The following ELAC2 variants were observed in gnomAD, a reference collection of about 807,000 sequenced individuals.
ELAC2 encodes zinc phosphodiesterase ELAC protein 2.
In ELAC2, 92 loss-of-function variants were observed where a neutral mutation model predicts 105.2. That is an observed-to-expected ratio of 0.87 (90% CI 0.74 to 1.04). The LOEUF (loss-of-function observed/expected upper bound fraction) is 1.04. Ranked by LOEUF, ELAC2 falls within the 50% of genes least tolerant of loss-of-function variation. The pLI is 0.00. For missense variants in ELAC2, 1,099 were observed against 1,071.7 expected (o/e 1.03, Z -0.36); for synonymous variants, 468 against 409.1 (o/e 1.14, Z -1.74).
intron 15 of ELAC2, among the ~76,000 whole-genome samples, chr17:12,999,744 C>T (rs1276196845): frequency 2.0e-5 from 3 of 152,186 alleles, no homozygotes; most frequent in East Asian, 1.9e-4. Context: ...CTGCAAGCTC[C>T]GCCTCCCGGG....
At chr17:13,012,464 A>G (rs1025181668) in intron 6 of ELAC2, among the ~76,000 whole-genome samples, 3 of 152,176 alleles carry the variant, frequency 2.0e-5, no homozygotes, top group African/African-American at 7.2e-5. Flanking sequence ...TCAGCTCATC[A>G]CAGCACTGGC....
Position 13,003,388 on chromosome 17 carries a change from G to A in ELAC2, c.1079+91C>T, listed in dbSNP as rs78515379. 0.037 allele frequency: 43,503 copies of A among 1,183,844 alleles called. 982 individuals carry two copies. Among genetic ancestry groups the A allele is most frequent in the Middle Eastern group, 0.052 (262 of 4,996 alleles). 73.3% of individuals were successfully genotyped at this position (1,183,844 alleles called of 1,614,324 possible). ...AAGTTTAGGCAGGTGCAGAAGGGTAGGTAGCGCTGGAAAGAGCACGAGGGG... is the reference window on the plus strand; with the variant it reads ...AAGTTTAGGCAGGTGCAGAAGGGTAAGTAGCGCTGGAAAGAGCACGAGGGG... On this transcript the variant is annotated intron_variant, in intron 12 of 23. Transcript: ENST00000338034.
Position 13,017,822 on chromosome 17 carries a change from C to T in ELAC2, c.126G>A (p.Thr42=), listed in dbSNP as rs1418057995. The T allele has an allele frequency of 6.3e-7, 1 of 1,596,948 alleles. No homozygotes were observed. The highest frequency in any genetic ancestry group is 1.7e-5 in the Admixed American group (1 of 57,766). The change falls in exon 1 of 24, where the codon ACG becomes ACA. Residue 42 remains threonine, a synonymous_variant. Coordinates refer to ENST00000338034, the MANE Select transcript of ELAC2 (RefSeq NM_018127.7). ...PRKDPLRHLR[T]REKRGPSGCS... Reference sequence around the variant, plus strand: ...ACCCCGACGGTCCGCGCTTCTCTCGCGTGCGCAGGTGCCGCAGCGGGTCCT... The same window carrying T: ...ACCCCGACGGTCCGCGCTTCTCTCGTGTGCGCAGGTGCCGCAGCGGGTCCT...
In ELAC2 at chr17:13,002,567, G is replaced by A; in HGVS notation, c.1092C>T (p.Asp364=). Reference sequence around the variant, plus strand: ...TCTCATTCAGGACCAAGTGCTGGGTGTCAGGCCCAAACCTGTGAAGAAACA... The same window carrying A: ...TCTCATTCAGGACCAAGTGCTGGGTATCAGGCCCAAACCTGTGAAGAAACA... ...YQQWMERFGP[D]TQHLVLNENC... is the part of the protein sequence containing the mutation. The change falls in exon 13 of 24, where the codon GAC becomes GAT. Residue 364 remains aspartate, a synonymous_variant. Coordinates refer to ENST00000338034, the MANE Select transcript of ELAC2 (RefSeq NM_018127.7). 2 of 1,602,206 alleles carry A rather than the reference G, an allele frequency of 1.2e-6. No homozygotes were observed. Among genetic ancestry groups the A allele is most frequent in the Non-Finnish European group, 1.7e-6 (2 of 1,173,258 alleles).
At chr17:13,014,528 G>T (rs370275671) in intron 4 of ELAC2, 32 bp from the exon 5 acceptor site, 1 of 1,534,070 alleles carries the variant, frequency 6.5e-7, no homozygotes, top group Admixed American at 1.7e-5. Flanking sequence ...AGCAGTTATG[G>T]TTGAACAAAT....
rs1359575116 is a variant in ELAC2 at position 13,011,751 on chromosome 17, C to T, written c.591G>A (p.Trp197Ter). The T allele has an allele frequency of 9.3e-6, 15 of 1,614,002 alleles. No homozygotes were observed. In the South Asian group the frequency reaches 1.4e-4, roughly 15 times the overall value. The change falls in exon 7 of 24, where the codon TGG (tryptophan) becomes TGA (stop). Residue 197 changes from tryptophan to a stop codon, truncating the protein, a stop_gained. Coordinates refer to ENST00000338034, the MANE Select transcript of ELAC2 (RefSeq NM_018127.7). LOFTEE classifies it high-confidence loss of function. The stretch of plus-strand genomic sequence containing the variant: ...TGCTGAGAGGCCTTTCTGGACTCTG[C>T]CATGGTTGGTGCTTTCCCCTCCTCT... ...SEQRRGKHQP[W>*]QSPERPLSRL...
intron 8 of ELAC2, chr17:13,006,240 C>T (rs545474981): frequency 1.8e-5 from 8 of 438,884 alleles, no homozygotes; most frequent in African/African-American, 4.0e-5. Context: ...CGTGGTGGCA[C>T]GTGCCTGTAA....
At chr17:13,003,648 G>T in intron 11 of ELAC2, 74 bp from the exon 12 acceptor site, 1 of 1,379,452 alleles carries the variant, frequency 7.2e-7, no homozygotes, top group Non-Finnish European at 1.0e-6. Context: ...CGCAGCCAGG[G>T]AGGGGTATCG....
At chr17:13,009,720 G>C (rs1237774119) in intron 8 of ELAC2, among the ~76,000 whole-genome samples, 1 of 152,222 alleles carries the variant, frequency 6.6e-6, no homozygotes, top group African/African-American at 2.4e-5. Context: ...ACCAGGCACA[G>C]TGCTTCACGC....
rs770299965 is a variant in ELAC2 at position 12,996,593 on chromosome 17, G to A, written c.1613C>T (p.Thr538Ile). The change falls in exon 17 of 24, where the codon ACC (threonine) becomes ATC (isoleucine). Residue 538 changes from threonine to isoleucine, a missense_variant. Transcript: ENST00000338034. Reference protein sequence around the residue: ...YGDQVDRVLGTLAAVFVSHLH... With the variant: ...YGDQVDRVLGILAAVFVSHLH... ...GTGGGACACAAACACAGCAGCCAGGGTGCCCAGGACCCTGTCCACCTGGTC... is the reference window on the plus strand; with the variant it reads ...GTGGGACACAAACACAGCAGCCAGGATGCCCAGGACCCTGTCCACCTGGTC... 4.3e-6 allele frequency: 7 copies of A among 1,613,914 alleles called. No individual in the cohort carries two copies. The highest frequency in any genetic ancestry group is 5.9e-6 in the Non-Finnish European group (7 of 1,180,040).
chr17:12,996,691 G>A lies in ELAC2; in HGVS notation c.1521-6C>T, dbSNP rs2040491102. Reference sequence around the variant, plus strand: ...GTAGCAGAGACGTGTCGGGGCTGCAGAAGAGAAGAGGAAGAGAGTCACTGC... The same window carrying A: ...GTAGCAGAGACGTGTCGGGGCTGCAAAAGAGAAGAGGAAGAGAGTCACTGC... On this transcript the variant is annotated splice_polypyrimidine_tract_variant and splice_region_variant and intron_variant, in intron 16 of 23. Transcript: ENST00000338034. 6.2e-7 allele frequency: 1 copy of A among 1,612,730 alleles called. No individual in the cohort carries two copies. The highest frequency in any genetic ancestry group is 1.3e-5 in the African/African-American group (1 of 75,034).
chr17:13,012,430 C>A (rs1248072231), intron 6 of ELAC2, among the ~76,000 whole-genome samples: 1 of 152,186 alleles, frequency 6.6e-6, no homozygotes, highest in Non-Finnish European at 1.5e-5. Context: ...GCAGGAGGAG[C>A]AAGCCAGGCA....
rs374351010 is a variant in ELAC2, at chr17:12,991,846, AACTTACTT to A, written c.*964_*971del. On this transcript the variant is annotated 3_prime_UTR_variant, in exon 24 of 24. Coordinates refer to ENST00000338034, the MANE Select transcript of ELAC2 (RefSeq NM_018127.7). ...AATATACACAATAAATACTAGATTC[AACTTACTT>A]ACTTACTTACTTACTTTACTTACTT... 6.2e-4 allele frequency among the ~76,000 whole-genome samples: 94 copies of A among 151,464 alleles called. No homozygotes were observed. The highest frequency in any genetic ancestry group is 1.8e-3 in the African/African-American group (73 of 41,332).
At chr17:13,014,666 C>T (rs373593938) in intron 4 of ELAC2, among the ~76,000 whole-genome samples, 170 bp from the exon 5 acceptor site, 4 of 151,954 alleles carry the variant, frequency 2.6e-5, no homozygotes, top group African/African-American at 9.7e-5. Flanking sequence ...TATCAGATGC[C>T]AAGGATATAG....
chr17:13,011,145 C>T (rs1045050716), intron 7 of ELAC2, among the ~76,000 whole-genome samples: 8 of 152,110 alleles, frequency 5.3e-5, no homozygotes, highest in African/African-American at 9.7e-5. Flanking sequence ...GAGGAGCTGC[C>T]GAGCTTTGCC....
chr17:13,011,824 T>G (rs747942317), intron 6 of ELAC2, 42 bp from the exon 7 acceptor site: 2 of 1,613,958 alleles, frequency 1.2e-6, no homozygotes, highest in South Asian at 2.2e-5. Flanking sequence ...CTGCACAAGG[T>G]GAGCTGACAG....
chr17:13,007,479 T>C (rs1310689259), intron 8 of ELAC2, among the ~76,000 whole-genome samples: 2 of 152,242 alleles, frequency 1.3e-5, no homozygotes, highest in Non-Finnish European at 2.9e-5. Flanking sequence ...CAGTGATGAT[T>C]GATGGCTGAC....
intron 6 of ELAC2, among the ~76,000 whole-genome samples, chr17:13,012,010 A>G (rs1468544172): frequency 2.0e-5 from 3 of 152,140 alleles, no homozygotes; most frequent in Non-Finnish European, 4.4e-5. Flanking sequence ...CACAGTACCA[A>G]CTCAACAACG....
In ELAC2 at chr17:12,992,842, C is replaced by T. The variant is rs773456696; in HGVS notation, c.2457G>A (p.Gln819=). 25 of 1,613,812 alleles carry T rather than the reference C, an allele frequency of 1.5e-5. No individual in the cohort carries two copies. The highest frequency in any genetic ancestry group is 1.6e-4 in the Middle Eastern group (1 of 6,082). Residue 819 remains glutamine, a synonymous_variant, in exon 24 of 24, where the codon CAG becomes CAA. Coordinates refer to ENST00000338034, the MANE Select transcript of ELAC2 (RefSeq NM_018127.7). ...TTCACTGGGCTCTGACCTTCTTGGCCTGTGGCTCCTCTGTGTGGGCCCGCT... is the reference window on the plus strand; with the variant it reads ...TTCACTGGGCTCTGACCTTCTTGGCTTGTGGCTCCTCTGTGTGGGCCCGCT... ...QQKRAHTEEP[Q]AKKVRAQ is the part of the protein sequence containing the mutation.
Sources: gnomAD v4.1 joint callset for allele counts (sites outside exome capture counted in the v4.1 genomes callset) on GRCh38, gnomAD v4.1.1 for gene constraint, MANE v1.5 for transcripts, NCBI Gene and HGNC (gene_info 2026-07-23, HGNC 2026-07-21) for gene names.